The following CDH18 variants were observed in gnomAD, a reference collection of about 807,000 sequenced individuals.
The protein encoded by CDH18 is cadherin-18.
Under a neutral mutation model 67.9 loss-of-function variants are expected in CDH18, and 31 were observed. That is an observed-to-expected ratio of 0.46 (90% CI 0.34 to 0.62). The LOEUF (loss-of-function observed/expected upper bound fraction) is 0.62. CDH18 is among the 20% of genes least tolerant of loss of function. The pLI is 0.01. For missense variants in CDH18, 890 were observed against 975.5 expected (o/e 0.91, Z 1.17); for synonymous variants, 362 against 347.2 (o/e 1.04, Z -0.48).
At chr5:20,021,518 G>C (rs565837618) in intron 2 of CDH18, among the ~76,000 whole-genome samples, 1 of 152,158 alleles carries the variant, frequency 6.6e-6, no homozygotes, top group East Asian at 1.9e-4. Flanking sequence ...CCCCCTTGCT[G>C]TTCTCATGAT....
At chr5:19,582,493 G>C (rs1305776459) in intron 7 of CDH18, among the ~76,000 whole-genome samples, 1 of 151,966 alleles carries the variant, frequency 6.6e-6, no homozygotes, top group African/African-American at 2.4e-5. Flanking sequence ...GCGTTTCCGT[G>C]TCAAAGTCAT....
intron 2 of CDH18, among the ~76,000 whole-genome samples, chr5:20,125,662 T>C (rs1416294615): frequency 6.6e-6 from 1 of 152,146 alleles, no homozygotes; most frequent in African/African-American, 2.4e-5. Flanking sequence ...TCTGTTTAAA[T>C]GAGAAAGATT....
intron 2 of CDH18, among the ~76,000 whole-genome samples, chr5:19,996,868 A>G (rs1736062320): frequency 6.6e-6 from 1 of 152,040 alleles, no homozygotes; most frequent in African/African-American, 2.4e-5. Context: ...GTCTCTGTGA[A>G]CATAAATATA....
chr5:19,499,459 A>T (rs944513630), intron 11 of CDH18, among the ~76,000 whole-genome samples: 5 of 152,052 alleles, frequency 3.3e-5, no homozygotes, highest in African/African-American at 1.2e-4. Context: ...ACATATATAT[A>T]GCTACATATA....
intron 2 of CDH18, among the ~76,000 whole-genome samples, chr5:20,166,515 C>A (rs1045233473): frequency 6.6e-6 from 1 of 151,210 alleles, no homozygotes; most frequent in East Asian, 1.9e-4. Flanking sequence ...CCCCAACCTG[C>A]AAAATCCATT....
intron 2 of CDH18, among the ~76,000 whole-genome samples, chr5:20,216,981 A>T (rs939206070): frequency 2.0e-5 from 3 of 151,892 alleles, no homozygotes; most frequent in East Asian, 1.9e-4. Context: ...GTGGCATGAC[A>T]TATTTAAAGT....
intron 1 of CDH18, among the ~76,000 whole-genome samples, chr5:20,511,890 T>C (rs1755056684): frequency 6.6e-6 from 1 of 152,118 alleles, no homozygotes; most frequent in Non-Finnish European, 1.5e-5. Flanking sequence ...AATAAGCAGG[T>C]GAAGGTATTT....
intron 2 of CDH18, among the ~76,000 whole-genome samples, chr5:20,013,069 A>G (rs1394417189): frequency 6.6e-6 from 1 of 152,132 alleles, no homozygotes; most frequent in Non-Finnish European, 1.5e-5. Context: ...AACTTACAAT[A>G]AAAGTTTTTT....
At chr5:20,020,550 G>T (rs960432145) in intron 2 of CDH18, among the ~76,000 whole-genome samples, 5 of 152,154 alleles carry the variant, frequency 3.3e-5, no homozygotes, top group Non-Finnish European at 5.9e-5. Context: ...TCCAGCTCCA[G>T]CCATGGATAA....
chr5:20,029,593 T>C (rs1739209631), intron 2 of CDH18, among the ~76,000 whole-genome samples: 1 of 152,216 alleles, frequency 6.6e-6, no homozygotes, highest in South Asian at 2.1e-4. Context: ...GATTATGAGA[T>C]TACCTGTGCA....
intron 1 of CDH18, among the ~76,000 whole-genome samples, chr5:20,366,730 T>C (rs920473669): frequency 6.6e-6 from 1 of 152,216 alleles, no homozygotes; most frequent in Non-Finnish European, 1.5e-5. Flanking sequence ...TTCCTGAGTA[T>C]ATTCAATTCC....
chr5:19,726,265 T>A (rs1218701257), intron 4 of CDH18, among the ~76,000 whole-genome samples: 1 of 152,160 alleles, frequency 6.6e-6, no homozygotes, highest in Non-Finnish European at 1.5e-5. Context: ...CAAAGGAAAC[T>A]TAGTAGAGCA....
chr5:19,885,808 A>T (rs1382628864), intron 2 of CDH18, among the ~76,000 whole-genome samples: 1 of 152,212 alleles, frequency 6.6e-6, no homozygotes, highest in Non-Finnish European at 1.5e-5. Flanking sequence ...AACAGATGAC[A>T]TGCTAATATG....
intron 3 of CDH18, among the ~76,000 whole-genome samples, chr5:19,768,682 C>G (rs973742506): frequency 6.6e-6 from 1 of 151,952 alleles, no homozygotes. Flanking sequence ...GCAAATACAA[C>G]CAGAAATAAA....
At chr5:20,489,607 C>T (rs1753459044) in intron 1 of CDH18, among the ~76,000 whole-genome samples, 1 of 151,880 alleles carries the variant, frequency 6.6e-6, no homozygotes, top group Non-Finnish European at 1.5e-5. Flanking sequence ...TTTAAATATT[C>T]ATCCTATTAC....
At chr5:20,117,079 G>T (rs567744004) in intron 2 of CDH18, among the ~76,000 whole-genome samples, 3 of 151,812 alleles carry the variant, frequency 2.0e-5, no homozygotes, top group African/African-American at 4.8e-5. Context: ...CCTTAGCATG[G>T]TACCATTGAA....
At chr5:20,313,172 G>A (rs1412491278) in intron 1 of CDH18, among the ~76,000 whole-genome samples, 1 of 152,080 alleles carries the variant, frequency 6.6e-6, no homozygotes, top group Non-Finnish European at 1.5e-5. Context: ...TATTAGTTAT[G>A]CAGTCAATAG....
At chr5:19,558,779 T>C (rs561375061) in intron 8 of CDH18, among the ~76,000 whole-genome samples, 1 of 151,696 alleles carries the variant, frequency 6.6e-6, no homozygotes, top group African/African-American at 2.4e-5. Context: ...AAGGAGAAAA[T>C]CTTCCCTAAG....
chr5:20,139,452 C>T (rs1473438440), intron 2 of CDH18, among the ~76,000 whole-genome samples: 1 of 152,066 alleles, frequency 6.6e-6, no homozygotes, highest in Non-Finnish European at 1.5e-5. Flanking sequence ...CAACAAAAGC[C>T]AAAATTGACA....
Sources: allele counts gnomAD v4.1 joint callset (sites outside exome capture counted in the v4.1 genomes callset), GRCh38; gene constraint gnomAD v4.1.1; transcripts MANE v1.5; gene names NCBI Gene and HGNC (gene_info 2026-07-23, HGNC 2026-07-21).